The following CAMKMT variants were observed in gnomAD, a reference collection of about 807,000 sequenced individuals.
CAMKMT encodes CaM KMT.
CAMKMT carries 53 observed loss-of-function variants against 48.0 expected under a neutral mutation model. The observed-to-expected ratio is 1.10, with a 90% confidence interval of 0.89 to 1.39. The LOEUF is 1.39. Among genes scored for constraint, CAMKMT ranks in the 40% most tolerant of loss-of-function variants. The pLI, the probability that CAMKMT is intolerant of heterozygous loss-of-function variation, is 0.00. For missense variants in CAMKMT, 428 were observed against 402.7 expected (o/e 1.06, Z -0.54); for synonymous variants, 165 against 152.3 (o/e 1.08, Z -0.61).
At chr2:44,541,425 T>A (rs1029863659) in intron 3 of CAMKMT, among the ~76,000 whole-genome samples, 1 of 152,164 alleles carries the variant, frequency 6.6e-6, no homozygotes, top group Non-Finnish European at 1.5e-5. Flanking sequence ...TCTTTTTATG[T>A]TTATCTATAT....
chr2:44,659,144 A>G (rs810854), intron 3 of CAMKMT, among the ~76,000 whole-genome samples: 45,339 of 144,266 alleles, frequency 0.31, 8,098 homozygotes, highest in African/African-American at 0.5. Context: ...AGGTGAGGCT[A>G]GGCACAGTGG....
intron 7 of CAMKMT, 58 bp from the exon 8 acceptor site, chr2:44,743,564 A>C: frequency 1.0e-5 from 13 of 1,279,944 alleles, no homozygotes; most frequent in Non-Finnish European, 1.3e-5. Context: ...TTAATAGCTC[A>C]AAATCAAAAT....
At chr2:44,440,589 ATAAAT>A (rs964760473) in intron 3 of CAMKMT, among the ~76,000 whole-genome samples, 13 of 152,224 alleles carry the variant, frequency 8.5e-5, no homozygotes, top group African/African-American at 3.1e-4. Flanking sequence ...ATTTAATTTA[ATAAAT>A]TAAATCAAAA....
At chr2:44,412,840 C>T (rs1031346322) in intron 3 of CAMKMT, among the ~76,000 whole-genome samples, 3 of 151,938 alleles carry the variant, frequency 2.0e-5, no homozygotes, top group African/African-American at 7.2e-5. Context: ...CTTTGGGAGG[C>T]GGAGGTGGGC....
rs181643593 is a variant in CAMKMT, at chr2:44,713,755, T to C, written c.557-1532T>C. ...CCCTGGGGGAAGAAAGCTATCACAGTACCTGCTTATTCACTCAGAGAAGAA... is the reference window on the plus strand; with the variant it reads ...CCCTGGGGGAAGAAAGCTATCACAGCACCTGCTTATTCACTCAGAGAAGAA... On this transcript the variant is annotated intron_variant, in intron 6 of 10. Transcript: ENST00000378494. Among the ~76,000 whole-genome samples, 5 of 152,308 alleles carry C rather than the reference T, an allele frequency of 3.3e-5. No homozygotes were observed. The East Asian group carries it at 7.7e-4, about 24-fold the overall frequency.
At chr2:44,503,218 G>A (rs1670092354) in intron 3 of CAMKMT, among the ~76,000 whole-genome samples, 2 of 151,776 alleles carry the variant, frequency 1.3e-5, no homozygotes, top group Admixed American at 6.6e-5. Flanking sequence ...CCCTGCTTGT[G>A]TCATTCAGGT....
At chr2:44,472,062 A>AC (rs1668448934) in intron 3 of CAMKMT, among the ~76,000 whole-genome samples, 1 of 152,128 alleles carries the variant, frequency 6.6e-6, no homozygotes, top group African/African-American at 2.4e-5. Context: ...TCCTAAAAGA[A>AC]TTAAATGGGC....
At chr2:44,463,052 CTG>C (rs1667929651) in intron 3 of CAMKMT, among the ~76,000 whole-genome samples, 1 of 152,200 alleles carries the variant, frequency 6.6e-6, no homozygotes, top group South Asian at 2.1e-4. Flanking sequence ...CTTTTCTTCT[CTG>C]CCAGAAGGCC....
At chr2:44,759,651 G>A (rs982136704) in intron 9 of CAMKMT, among the ~76,000 whole-genome samples, 3 of 152,084 alleles carry the variant, frequency 2.0e-5, no homozygotes, top group African/African-American at 7.2e-5. Context: ...AGCTCCTACA[G>A]TTGTAGGATT....
chr2:44,485,949 G>C (rs1391448880), intron 3 of CAMKMT, among the ~76,000 whole-genome samples: 1 of 152,016 alleles, frequency 6.6e-6, no homozygotes, highest in African/African-American at 2.4e-5. Context: ...TGATGATTAT[G>C]TGGGTGTGTT....
intron 3 of CAMKMT, among the ~76,000 whole-genome samples, chr2:44,486,461 A>T (rs975080963): frequency 4.6e-5 from 7 of 152,198 alleles, no homozygotes; most frequent in African/African-American, 1.4e-4. Context: ...GAATGTGGAT[A>T]AGAAGCTCTG....
intron 3 of CAMKMT, among the ~76,000 whole-genome samples, chr2:44,699,323 G>A (rs1677135467): frequency 6.6e-6 from 1 of 152,150 alleles, no homozygotes; most frequent in African/African-American, 2.4e-5. Flanking sequence ...ATGACTCCTT[G>A]ATCCATGGAC....
Position 44,433,225 on chromosome 2 carries a change from G to T in CAMKMT, c.376+42920G>T, listed in dbSNP as rs149544677. ...AATACATATATATATCCTTTTCCAG[G>T]GTGTATTTTATATATGAATGTCTAA... On this transcript the variant is annotated intron_variant, in intron 3 of 10. Transcript: ENST00000378494. Among the ~76,000 whole-genome samples, 415 of 152,054 alleles carry T rather than the reference G, an allele frequency of 2.7e-3. 2 individuals are homozygous for T. Among genetic ancestry groups the T allele is most frequent in the Non-Finnish European group, 4.8e-3 (323 of 67,972 alleles).
Position 44,666,612 on chromosome 2 carries a change from C to CTTTTTTTTTTTTTTTTTTTTT in CAMKMT, c.377-37654_377-37653insTTTTTTTTTTTTTTTTTTTTT, listed in dbSNP as rs1293884982. On this transcript the variant is annotated intron_variant, in intron 3 of 10. Coordinates refer to ENST00000378494, the MANE Select transcript of CAMKMT (RefSeq NM_024766.5). Reference sequence around the variant, plus strand: ...TTGATCTCCTTTTGGCTCCTGGAATCTTTTTTTTTTTTTTTTTGAGACAGA... The same window carrying CTTTTTTTTTTTTTTTTTTTTT: ...TTGATCTCCTTTTGGCTCCTGGAATCTTTTTTTTTTTTTTTTTTTTTTTTTTTTTTTTTTTTTTGAGACAGA... 6.7e-5 allele frequency among the ~76,000 whole-genome samples: 9 copies of CTTTTTTTTTTTTTTTTTTTTT among 133,972 alleles called. 1 individual carries two copies. The highest frequency in any genetic ancestry group is 2.1e-4 in the African/African-American group (7 of 34,146). 87.9% of individuals were successfully genotyped at this position (133,972 alleles called of 152,430 possible). A position where few individuals can be genotyped will look rare whatever the true frequency, so the allele number is the denominator to read the frequency against.
intron 7 of CAMKMT, among the ~76,000 whole-genome samples, chr2:44,723,004 G>A (rs988656010): frequency 2.1e-4 from 32 of 152,264 alleles, no homozygotes; most frequent in South Asian, 4.1e-4. Flanking sequence ...GTTCATTTCT[G>A]CTAAATTCCA....
intron 3 of CAMKMT, among the ~76,000 whole-genome samples, chr2:44,507,189 G>T (rs910388604): frequency 1.3e-5 from 2 of 151,920 alleles, no homozygotes; most frequent in Admixed American, 6.6e-5. Flanking sequence ...ACAGATTAAT[G>T]GCTAAATTTT....
At chr2:44,409,294 AT>A (rs2104471339) in intron 3 of CAMKMT, among the ~76,000 whole-genome samples, 1 of 151,900 alleles carries the variant, frequency 6.6e-6, no homozygotes, top group Admixed American at 6.6e-5. Context: ...GTTAGTTGAC[AT>A]TTGGACTCCT....
intron 3 of CAMKMT, among the ~76,000 whole-genome samples, chr2:44,465,563 T>C (rs1281010104): frequency 2.4e-5 from 2 of 81,980 alleles, no homozygotes; most frequent in Non-Finnish European, 2.4e-5. Context: ...GCCACTGTAC[T>C]CTGTCAAAAA....
chr2:44,515,938 A>G (rs1670810512), intron 3 of CAMKMT, among the ~76,000 whole-genome samples: 3 of 152,240 alleles, frequency 2.0e-5, no homozygotes, highest in African/African-American at 7.2e-5. Context: ...TTTATGAGAA[A>G]GAACAAGTCT....
Sources: allele counts gnomAD v4.1 joint callset (sites outside exome capture counted in the v4.1 genomes callset), GRCh38; gene constraint gnomAD v4.1.1; transcripts MANE v1.5; gene names NCBI Gene and HGNC (gene_info 2026-07-23, HGNC 2026-07-21).